The following FCHSD2 variants were observed in gnomAD, a reference collection of about 807,000 sequenced individuals.
FCHSD2 encodes F-BAR and double SH3 domains protein 2.
Under a neutral mutation model 108.1 loss-of-function variants are expected in FCHSD2, and 38 were observed. That is an observed-to-expected ratio of 0.35 (90% CI 0.27 to 0.46). The LOEUF (loss-of-function observed/expected upper bound fraction) is 0.46. Among genes scored for constraint, FCHSD2 ranks in the 20% least tolerant of loss-of-function variants. The pLI, the probability that FCHSD2 is intolerant of heterozygous loss-of-function variation, is 1.00. For synonymous variants in FCHSD2, 279 were observed against 314.7 expected, an observed-to-expected ratio of 0.89 and a Z score of 1.20; for missense variants, 751 against 897.8, an observed-to-expected ratio of 0.84 and a Z score of 2.09.
At chr11:73,048,254 C>T (rs1172987735) in intron 3 of FCHSD2, among the ~76,000 whole-genome samples, 1 of 152,138 alleles carries the variant, frequency 6.6e-6, no homozygotes, top group Non-Finnish European at 1.5e-5. Flanking sequence ...TCAGCGGCAT[C>T]CCTCAGCTCA....
chr11:73,103,317 T>C (rs910075323), intron 2 of FCHSD2, among the ~76,000 whole-genome samples: 1 of 152,204 alleles, frequency 6.6e-6, no homozygotes, highest in African/African-American at 2.4e-5. Flanking sequence ...AGTATTAATA[T>C]TAACCTTTTA....
chr11:72,997,341 G>A (rs1220988692), intron 5 of FCHSD2, among the ~76,000 whole-genome samples: 1 of 152,102 alleles, frequency 6.6e-6, no homozygotes, highest in African/African-American at 2.4e-5. Flanking sequence ...TAAAACCAGA[G>A]ATCCTAACAG....
chr11:73,008,720 G>T (rs1857796095), intron 4 of FCHSD2, among the ~76,000 whole-genome samples: 1 of 152,136 alleles, frequency 6.6e-6, no homozygotes, highest in Admixed American at 6.5e-5. Flanking sequence ...TTTCAAGCAG[G>T]GGAGTGACAG....
chr11:73,105,913 G>A (rs1860331092), intron 2 of FCHSD2, among the ~76,000 whole-genome samples: 1 of 152,132 alleles, frequency 6.6e-6, no homozygotes, highest in Non-Finnish European at 1.5e-5. Context: ...AAAGTATCTG[G>A]TAAATAAGAT....
At chr11:73,027,767 G>T (rs1425515639) in intron 3 of FCHSD2, among the ~76,000 whole-genome samples, 1 of 152,252 alleles carries the variant, frequency 6.6e-6, no homozygotes, top group South Asian at 2.1e-4. Flanking sequence ...CAGGACCAGG[G>T]CTGTGCTGCT....
At chr11:72,995,549 C>T (rs1480040468) in intron 5 of FCHSD2, among the ~76,000 whole-genome samples, 1 of 151,566 alleles carries the variant, frequency 6.6e-6, no homozygotes, top group South Asian at 2.1e-4. Context: ...AAAAAAAGTA[C>T]AAAAATCAGC....
intron 3 of FCHSD2, among the ~76,000 whole-genome samples, chr11:73,054,441 T>C (rs1203124964): frequency 1.3e-5 from 2 of 152,108 alleles, no homozygotes; most frequent in Non-Finnish European, 2.9e-5. Flanking sequence ...ATGATGGGCA[T>C]GTAAACCCTT....
chr11:73,094,202 C>A (rs1233697909), intron 2 of FCHSD2, among the ~76,000 whole-genome samples: 1 of 152,000 alleles, frequency 6.6e-6, no homozygotes, highest in East Asian at 1.9e-4. Context: ...CAGAGCAAGA[C>A]TCTTGTCTCC....
At chr11:72,974,160 C>T (rs1170662066) in intron 8 of FCHSD2, among the ~76,000 whole-genome samples, 5 of 152,008 alleles carry the variant, frequency 3.3e-5, no homozygotes, top group Non-Finnish European at 5.9e-5. Flanking sequence ...AAACAACAGA[C>T]GTTTATTTGG....
intron 2 of FCHSD2, among the ~76,000 whole-genome samples, chr11:73,094,315 C>T (rs542814803): frequency 6.6e-6 from 1 of 152,110 alleles, no homozygotes; most frequent in African/African-American, 2.4e-5. Context: ...CTCTAACATG[C>T]CATTGGTGGG....
At chr11:73,003,688 G>A (rs549101212) in intron 4 of FCHSD2, among the ~76,000 whole-genome samples, 40 of 151,198 alleles carry the variant, frequency 2.6e-4, no homozygotes, top group African/African-American at 8.2e-4. Context: ...GGGTTTCACC[G>A]TTTTAGCCGG....
At chr11:73,116,507 C>G (rs1426590744) in intron 2 of FCHSD2, among the ~76,000 whole-genome samples, 1 of 152,052 alleles carries the variant, frequency 6.6e-6, no homozygotes, top group Non-Finnish European at 1.5e-5. Context: ...GGGCCTAGTG[C>G]ATTATCAAAA....
At chr11:72,923,206 C>T (rs899217771) in intron 8 of FCHSD2, among the ~76,000 whole-genome samples, 2 of 152,024 alleles carry the variant, frequency 1.3e-5, no homozygotes, top group Admixed American at 6.6e-5. Flanking sequence ...CATTTTTTGA[C>T]TATTATAAAT....
Position 73,030,920 on chromosome 11 carries a change from C to G in FCHSD2, c.166-15035G>C, listed in dbSNP as rs193138368. ...GATACACATTATATCTCTATACTTG[C>G]GCGTCCTGAATTTCTGCTATTTTTT... On this transcript the variant is annotated intron_variant, in intron 3 of 19. Coordinates refer to ENST00000409418, the MANE Select transcript of FCHSD2 (RefSeq NM_014824.3). Among the ~76,000 whole-genome samples the G allele has an allele frequency of 2.6e-5, 4 of 152,078 alleles. 1 individual carries two copies. In the South Asian group the frequency reaches 8.3e-4, roughly 32 times the overall value.
At chr11:72,983,393 C>G (rs1857253419) in intron 8 of FCHSD2, among the ~76,000 whole-genome samples, 1 of 152,008 alleles carries the variant, frequency 6.6e-6, no homozygotes, top group Non-Finnish European at 1.5e-5. Context: ...TTGCTTGAGC[C>G]TGGCAGTTCA....
chr11:72,978,444 A>G (rs1286714427), intron 8 of FCHSD2, among the ~76,000 whole-genome samples: 1 of 152,248 alleles, frequency 6.6e-6, no homozygotes, highest in Non-Finnish European at 1.5e-5. Context: ...ATTGACCATC[A>G]GAGAAACATA....
At chr11:73,110,024 C>A (rs12793874) in intron 2 of FCHSD2, among the ~76,000 whole-genome samples, 1 of 152,028 alleles carries the variant, frequency 6.6e-6, no homozygotes, top group Non-Finnish European at 1.5e-5. Context: ...TCCTTGCATC[C>A]CTGGGATATA....
At chr11:72,954,140 A>G (rs1168622559) in intron 8 of FCHSD2, among the ~76,000 whole-genome samples, 1 of 151,950 alleles carries the variant, frequency 6.6e-6, no homozygotes, top group East Asian at 1.9e-4. Context: ...GCTAAAGTAC[A>G]TGCAAAGATA....
intron 11 of FCHSD2, 106 bp downstream of exon 11, chr11:72,889,722 CA>C: frequency 1.5e-6 from 1 of 675,946 alleles, no homozygotes; most frequent in South Asian, 1.9e-5. Context: ...TCAAATAAAA[CA>C]AAACAACACA....
Sources: gnomAD v4.1 joint callset for allele counts (sites outside exome capture counted in the v4.1 genomes callset) on GRCh38, gnomAD v4.1.1 for gene constraint, MANE v1.5 for transcripts, NCBI Gene and HGNC (gene_info 2026-07-23, HGNC 2026-07-21) for gene names.